TRABD2B: variants seen among roughly 807,000 people sequenced by gnomAD.
The protein encoded by TRABD2B is metalloprotease TIKI2.
TRABD2B carries 14 observed loss-of-function variants against 40.1 expected under a neutral mutation model. The ratio of observed to expected loss-of-function variants is 0.35; its 90% confidence interval spans 0.23 to 0.55. TRABD2B has a LOEUF of 0.55. TRABD2B is among the 20% of genes least tolerant of loss of function. The pLI, the probability that TRABD2B is intolerant of heterozygous loss-of-function variation, is 0.90. For synonymous variants in TRABD2B, 263 were observed against 277.0 expected (o/e 0.95, Z 0.50); for missense variants, 541 against 648.6 (o/e 0.83, Z 1.80).
rs536317682 is a variant in TRABD2B, at chr1:47,783,718, G to A, written c.989-5174C>T. 5.9e-5 allele frequency among the ~76,000 whole-genome samples: 9 copies of A among 152,314 alleles called. 1 individual carries two copies. The South Asian group carries it at 1.2e-3, about 21-fold the overall frequency. Reference sequence around the variant, plus strand: ...GAAAAAGACTCCCTTTCTCCTAAGCGCAATCTAGCCTATGCCAGGGCACAA... The same window carrying A: ...GAAAAAGACTCCCTTTCTCCTAAGCACAATCTAGCCTATGCCAGGGCACAA... On this transcript the variant is annotated intron_variant, in intron 4 of 6. Coordinates refer to ENST00000606738, the MANE Select transcript of TRABD2B (RefSeq NM_001194986.2).
At chr1:47,856,515 T>C (rs780939584) in intron 2 of TRABD2B, among the ~76,000 whole-genome samples, 5 of 152,198 alleles carry the variant, frequency 3.3e-5, no homozygotes, top group Admixed American at 1.3e-4. Flanking sequence ...CATTTTGAGG[T>C]GGGCTGAGAG....
At chr1:47,799,963 A>G (rs1569974109) in intron 3 of TRABD2B, among the ~76,000 whole-genome samples, 1 of 152,150 alleles carries the variant, frequency 6.6e-6, no homozygotes, top group Non-Finnish European at 1.5e-5. Context: ...ATGTGACTGT[A>G]AGCCCCTTTT....
chr1:47,865,567 C>T (rs1224439808), intron 2 of TRABD2B, among the ~76,000 whole-genome samples: 1 of 152,032 alleles, frequency 6.6e-6, no homozygotes, highest in Non-Finnish European at 1.5e-5. Context: ...GCACTTGTCC[C>T]AGGGTTCAGG....
At chr1:47,957,618 T>C (rs1044439225) in intron 2 of TRABD2B, among the ~76,000 whole-genome samples, 1 of 152,094 alleles carries the variant, frequency 6.6e-6, no homozygotes, top group Non-Finnish European at 1.5e-5. Flanking sequence ...GTATCAGTGA[T>C]TGAAGATCAA....
chr1:47,777,231 G>A (rs768854238), intron 5 of TRABD2B, among the ~76,000 whole-genome samples: 2 of 152,238 alleles, frequency 1.3e-5, no homozygotes, highest in Non-Finnish European at 2.9e-5. Flanking sequence ...GGTGAGGGGA[G>A]AGGAGGGAAA....
chr1:47,794,922 C>T (rs1272856448), intron 3 of TRABD2B, among the ~76,000 whole-genome samples, 162 bp from the exon 4 acceptor site: 1 of 151,840 alleles, frequency 6.6e-6, no homozygotes, highest in Non-Finnish European at 1.5e-5. Context: ...GTATGAACCA[C>T]CATGACTAGC....
At chr1:47,883,962 G>T (rs550741863) in intron 2 of TRABD2B, among the ~76,000 whole-genome samples, 1 of 152,240 alleles carries the variant, frequency 6.6e-6, no homozygotes, top group Non-Finnish European at 1.5e-5. Flanking sequence ...GCTGAGCCTG[G>T]TGTCTTGGAA....
intron 2 of TRABD2B, among the ~76,000 whole-genome samples, chr1:47,899,787 G>GC (rs1212881034): frequency 2.0e-5 from 3 of 152,254 alleles, no homozygotes; most frequent in South Asian, 2.1e-4. Context: ...GGGCGATGCA[G>GC]CCCCCAGGTC....
chr1:47,917,756 G>A (rs959265851), intron 2 of TRABD2B, among the ~76,000 whole-genome samples: 4 of 151,864 alleles, frequency 2.6e-5, no homozygotes, highest in African/African-American at 9.7e-5. Context: ...AAAAAAAAAA[G>A]AGCAAGAGAA....
Position 47,885,604 on chromosome 1 carries a change from C to G in TRABD2B, c.667-83985G>C, listed in dbSNP as rs147770974. 7.5e-4 allele frequency among the ~76,000 whole-genome samples: 114 copies of G among 152,224 alleles called. 1 individual carries two copies. In the East Asian group the frequency reaches 0.014, roughly 18 times the overall value. On this transcript the variant is annotated intron_variant, in intron 2 of 6. Transcript: ENST00000606738. ...GGAAGTTTCTTTATGTGCTCTCCCC[C>G]CAAATCTCTGGGTTGAAGCGGGAGG...
chr1:47,806,114 G>A (rs1644888795), intron 2 of TRABD2B, among the ~76,000 whole-genome samples: 1 of 152,244 alleles, frequency 6.6e-6, no homozygotes, highest in Admixed American at 6.5e-5. Context: ...CTCACAACCA[G>A]GACTTCAGCG....
Position 47,892,913 on chromosome 1 carries a change from A to G in TRABD2B, c.667-91294T>C, listed in dbSNP as rs113009128. On this transcript the variant is annotated intron_variant, in intron 2 of 6. Transcript: ENST00000606738. Reference sequence around the variant, plus strand: ...AGAGCCTTGGGAAGTGCAGTCTGACATGCAAAGCTTTTAAAATTTTACGAG... The same window carrying G: ...AGAGCCTTGGGAAGTGCAGTCTGACGTGCAAAGCTTTTAAAATTTTACGAG... Among the ~76,000 whole-genome samples the G allele has an allele frequency of 4.6e-5, 7 of 152,346 alleles. 1 individual carries two copies. The highest frequency in any genetic ancestry group is 1.7e-4 in the African/African-American group (7 of 41,592).
At chr1:47,946,510 T>C (rs1645262269) in intron 2 of TRABD2B, among the ~76,000 whole-genome samples, 1 of 152,204 alleles carries the variant, frequency 6.6e-6, no homozygotes. Context: ...GTTTTTCTTC[T>C]TTAGTCTACT....
At position 47,996,655 on chromosome 1, in the gene TRABD2B, G is replaced by A. The variant is rs1570438759; in HGVS notation, c.102+33C>T. ...CCCACGGGACTAGAATACCCAGGCA[G>A]GCGGGAGAGTGGCCGGGCAGGCGCT... On this transcript the variant is annotated intron_variant, in intron 1 of 6. Coordinates refer to ENST00000606738, the MANE Select transcript of TRABD2B (RefSeq NM_001194986.2). This position sits in a 1 kb window ranked among gnomAD's most constrained non-coding sequence, Gnocchi z 4.6. 1 of 1,228,032 alleles carries A rather than the reference G, an allele frequency of 8.1e-7. No individual in the cohort carries two copies. The highest frequency in any genetic ancestry group is 1.0e-6 in the Non-Finnish European group (1 of 984,396). The allele number at this position is 1,228,032 out of a possible 1,614,324, so 76.1% of individuals were successfully genotyped here. A position where few individuals can be genotyped will look rare whatever the true frequency, so the allele number is the denominator to read the frequency against.
rs555498256 is a variant in TRABD2B at position 47,802,041 on chromosome 1, C to T, written c.667-422G>A. Among the ~76,000 whole-genome samples, 8 of 152,308 alleles carry T rather than the reference C, an allele frequency of 5.3e-5. No individual in the cohort carries two copies. In the East Asian group the frequency reaches 1.5e-3, roughly 29 times the overall value. ...AGCAACAGGACAAGAACAAAAGGCC[C>T]GGTTGGATGTCAAGGCCCAACCTAA... On this transcript the variant is annotated intron_variant, in intron 2 of 6. Coordinates refer to ENST00000606738, the MANE Select transcript of TRABD2B (RefSeq NM_001194986.2).
At chr1:47,770,550 T>C (rs762933866) in intron 6 of TRABD2B, among the ~76,000 whole-genome samples, 5 of 152,146 alleles carry the variant, frequency 3.3e-5, no homozygotes, top group Non-Finnish European at 7.3e-5. Context: ...TGTCTGTCCC[T>C]CAGATGGGAA....
In TRABD2B at chr1:47,996,564, C is replaced by A; in HGVS notation, c.102+124G>T. 1 of 1,108,748 alleles carries A rather than the reference C, an allele frequency of 9.0e-7. No individual in the cohort carries two copies. Among genetic ancestry groups the A allele is most frequent in the Non-Finnish European group, 1.1e-6 (1 of 891,394 alleles). The allele number at this position is 1,108,748 out of a possible 1,614,324, so 68.7% of individuals were successfully genotyped here. A position where few individuals can be genotyped will look rare whatever the true frequency, so the allele number is the denominator to read the frequency against. On this transcript the variant is annotated intron_variant, in intron 1 of 6. Transcript: ENST00000606738. This position sits in a 1 kb window ranked among gnomAD's most constrained non-coding sequence, Gnocchi z 4.6. The stretch of plus-strand genomic sequence containing the variant: ...AGCGAAGGAAGGGCGCCCGAGGCTG[C>A]GCCCGGGGGGTGGAGGTGGAGCGGG...
chr1:47,894,623 C>A (rs1048378566), intron 2 of TRABD2B, among the ~76,000 whole-genome samples: 2 of 152,126 alleles, frequency 1.3e-5, no homozygotes, highest in Non-Finnish European at 2.9e-5. Context: ...GATATTTCAG[C>A]AGGGCACTGA....
chr1:47,840,214 C>T (rs1036856005), intron 2 of TRABD2B, among the ~76,000 whole-genome samples: 2 of 152,166 alleles, frequency 1.3e-5, no homozygotes, highest in South Asian at 2.1e-4. Flanking sequence ...ACTCCAGGGC[C>T]GTCCTTTCCT....
Sources: allele counts gnomAD v4.1 joint callset (sites outside exome capture counted in the v4.1 genomes callset), GRCh38; gene constraint gnomAD v4.1.1; non-coding constraint Gnocchi (gnomAD v3.1); transcripts MANE v1.5; gene names NCBI Gene and HGNC (gene_info 2026-07-23, HGNC 2026-07-21).